Variants in PTPRD observed in about 807,000 individuals in gnomAD.
The protein encoded by PTPRD is receptor-type tyrosine-protein phosphatase delta.
A neutral mutation model predicts 214.5 loss-of-function variants in PTPRD; 34 were observed. The ratio of observed to expected loss-of-function variants is 0.16; its 90% CI spans 0.12 to 0.21. The LOEUF is 0.21. Ranked by LOEUF, PTPRD falls within the 10% of genes least tolerant of loss-of-function variation. The probability of loss-of-function intolerance (pLI) is 1.00; values close to 1 mark genes in which losing one functional copy is unlikely to be tolerated. For missense variants in PTPRD, 2,545 were observed against 2,398.7 expected, an observed-to-expected ratio of 1.06 and a Z score of -1.27; for synonymous variants, 1,128 against 845.7, an observed-to-expected ratio of 1.33 and a Z score of -5.79.
At chr9:8,790,746 T>C (rs2096196770) in intron 11 of PTPRD, among the ~76,000 whole-genome samples, 1 of 150,216 alleles carries the variant, frequency 6.7e-6, no homozygotes, top group South Asian at 2.2e-4. Context: ...AATTTGTATA[T>C]TTGCTTAGTA....
intron 11 of PTPRD, among the ~76,000 whole-genome samples, chr9:8,828,945 C>A (rs533539556): frequency 6.6e-6 from 1 of 152,104 alleles, no homozygotes; most frequent in Non-Finnish European, 1.5e-5. Flanking sequence ...CCATAAAATG[C>A]AGTACTTGAA....
intron 4 of PTPRD, among the ~76,000 whole-genome samples, chr9:10,015,837 G>C (rs2096699099): frequency 6.6e-6 from 1 of 152,110 alleles, no homozygotes; most frequent in African/African-American, 2.4e-5. Context: ...TATAATGTAA[G>C]ATACTACAAG....
At chr9:9,764,193 T>C (rs1331378021) in intron 6 of PTPRD, among the ~76,000 whole-genome samples, 1 of 152,122 alleles carries the variant, frequency 6.6e-6, no homozygotes, top group Non-Finnish European at 1.5e-5. Context: ...TTAATGAGAG[T>C]TGAAACAAAC....
chr9:9,208,489 C>A (rs1171718592), intron 9 of PTPRD, among the ~76,000 whole-genome samples: 1 of 151,586 alleles, frequency 6.6e-6, no homozygotes, highest in Non-Finnish European at 1.5e-5. Context: ...TGATATGTTC[C>A]CTTTATTTGG....
intron 4 of PTPRD, among the ~76,000 whole-genome samples, chr9:9,966,044 C>A (rs1474697380): frequency 6.6e-6 from 1 of 152,124 alleles, no homozygotes; most frequent in Admixed American, 6.5e-5. Flanking sequence ...CTTGGGACTG[C>A]ATAGAAGCAT....
intron 10 of PTPRD, among the ~76,000 whole-genome samples, chr9:9,173,058 C>G (rs1040218904): frequency 6.6e-6 from 1 of 152,132 alleles, no homozygotes; most frequent in Non-Finnish European, 1.5e-5. Context: ...CCTCCTGACT[C>G]TCCTCAGACT....
At chr9:10,087,466 T>C (rs2098362946) in intron 3 of PTPRD, among the ~76,000 whole-genome samples, 1 of 151,732 alleles carries the variant, frequency 6.6e-6, no homozygotes, top group South Asian at 2.1e-4. Context: ...TATTGATCCT[T>C]CAGAGTGTAG....
At chr9:9,261,108 T>C (rs1223445063) in intron 9 of PTPRD, among the ~76,000 whole-genome samples, 1 of 151,904 alleles carries the variant, frequency 6.6e-6, no homozygotes, top group Non-Finnish European at 1.5e-5. Flanking sequence ...ATTTCAATTA[T>C]CATACCACCA....
chr9:9,259,506 T>G (rs2099979163), intron 9 of PTPRD, among the ~76,000 whole-genome samples: 1 of 151,888 alleles, frequency 6.6e-6, no homozygotes, highest in Non-Finnish European at 1.5e-5. Flanking sequence ...TGAAAGCACT[T>G]GGAACACACA....
chr9:8,480,123 A>G (rs2096849190), intron 30 of PTPRD, among the ~76,000 whole-genome samples: 1 of 152,206 alleles, frequency 6.6e-6, no homozygotes, highest in African/African-American at 2.4e-5. Flanking sequence ...AGTCCTGACA[A>G]AACAGTGTGT....
intron 3 of PTPRD, among the ~76,000 whole-genome samples, chr9:10,319,771 A>G (rs532729023): frequency 6.6e-6 from 1 of 152,118 alleles, no homozygotes; most frequent in South Asian, 2.1e-4. Flanking sequence ...AGAGTACTTA[A>G]AGAGAGATCA....
chr9:8,563,774 G>C (rs1331078313), intron 14 of PTPRD, among the ~76,000 whole-genome samples: 1 of 152,110 alleles, frequency 6.6e-6, no homozygotes, highest in Non-Finnish European at 1.5e-5. Context: ...TGATTCTTGT[G>C]CCTCAGCCTC....
At chr9:9,210,773 AT>A (rs913559945) in intron 9 of PTPRD, among the ~76,000 whole-genome samples, 4 of 151,260 alleles carry the variant, frequency 2.6e-5, no homozygotes, top group African/African-American at 7.3e-5. Flanking sequence ...AAAGGCAACT[AT>A]TTTTTTTGTT....
At chr9:8,350,398 A>G (rs2075115601) in intron 39 of PTPRD, among the ~76,000 whole-genome samples, 1 of 152,210 alleles carries the variant, frequency 6.6e-6, no homozygotes, top group African/African-American at 2.4e-5. Context: ...CATTTTGTAC[A>G]TATGTCAGCT....
chr9:8,439,934 A>ATTT (rs2095487158), intron 34 of PTPRD, among the ~76,000 whole-genome samples: 1 of 66,016 alleles, frequency 1.5e-5, no homozygotes, highest in Non-Finnish European at 3.0e-5. Flanking sequence ...GATGTGCTTT[A>ATTT]ATTTTTTTTT....
chr9:8,961,885 A>C (rs2154318948), intron 11 of PTPRD, among the ~76,000 whole-genome samples: 1 of 151,916 alleles, frequency 6.6e-6, no homozygotes, highest in Non-Finnish European at 1.5e-5. Context: ...CAGCATGAAA[A>C]CCCCACTTCC....
chr9:9,781,861 C>A (rs936671971), intron 5 of PTPRD, among the ~76,000 whole-genome samples: 1 of 150,974 alleles, frequency 6.6e-6, no homozygotes, highest in Admixed American at 6.6e-5. Flanking sequence ...GGCGCAATCT[C>A]GGCTCGCTGC....
intron 2 of PTPRD, among the ~76,000 whole-genome samples, chr9:10,445,953 C>T (rs1432571184): frequency 1.4e-4 from 22 of 152,064 alleles, no homozygotes; most frequent in Admixed American, 1.4e-3. Flanking sequence ...AACCTAGGAG[C>T]AGGTAAACCA....
chr9:8,408,327 T>C (rs2093212847), intron 35 of PTPRD, among the ~76,000 whole-genome samples: 1 of 152,150 alleles, frequency 6.6e-6, no homozygotes, highest in African/African-American at 2.4e-5. Context: ...ATTCCTTCTT[T>C]TGGGTCTGCT....
Sources: allele counts gnomAD v4.1 joint callset (sites outside exome capture counted in the v4.1 genomes callset), GRCh38; gene constraint gnomAD v4.1.1; transcripts MANE v1.5; gene names NCBI Gene and HGNC (gene_info 2026-07-23, HGNC 2026-07-21).